Variants in ACOT12 observed in about 807,000 individuals in gnomAD.
ACOT12 encodes the protein acyl-CoA thioesterase 12.
A neutral mutation model predicts 67.7 loss-of-function variants in ACOT12; 51 were observed. The observed-to-expected ratio is 0.75, with a 90% CI of 0.60 to 0.95. The LOEUF is 0.95. Ranked by LOEUF, ACOT12 falls within the 40% of genes least tolerant of loss-of-function variation. The pLI is 0.00. For synonymous variants in ACOT12, 251 were observed against 244.6 expected (o/e 1.03, Z -0.24); for missense variants, 734 against 708.1 (o/e 1.04, Z -0.41).
At chr5:81,335,672 G>T in intron 12 of ACOT12, 96 bp downstream of exon 12, 1 of 1,381,614 alleles carries the variant, frequency 7.2e-7, no homozygotes, top group Non-Finnish European at 1.0e-6. Flanking sequence ...TAAACAATGG[G>T]TCACACATTG....
intron 14 of ACOT12, 43 bp from the exon 15 acceptor site, chr5:81,330,586 T>C: frequency 6.3e-7 from 1 of 1,598,646 alleles, no homozygotes; most frequent in Non-Finnish European, 8.5e-7. Flanking sequence ...TCTTATTGAC[T>C]TGGAGCTTTT....
intron 5 of ACOT12, 109 bp downstream of exon 5, chr5:81,359,794 C>T (rs1272157717): frequency 2.4e-6 from 3 of 1,244,346 alleles, no homozygotes; most frequent in Non-Finnish European, 3.3e-6. Flanking sequence ...TACCTAGTGT[C>T]ACCAGGACTG....
chr5:81,323,467 AG>A, the ACOT12 span, among the ~76,000 whole-genome samples: 78 of 152,384 alleles, frequency 5.1e-4, no homozygotes, highest in African/African-American at 1.8e-3. Flanking sequence ...TGACAGTGGC[AG>A]AAATGCAAGA....
the ACOT12 span, among the ~76,000 whole-genome samples, chr5:81,322,299 AG>A: frequency 6.6e-6 from 1 of 152,172 alleles, no homozygotes; most frequent in Non-Finnish European, 1.5e-5. Flanking sequence ...TTACCTACAA[AG>A]AAAAACAATA....
chr5:81,359,783 A>T, intron 5 of ACOT12, 120 bp downstream of exon 5: 1 of 1,108,862 alleles, frequency 9.0e-7, no homozygotes, highest in East Asian at 2.8e-5. Flanking sequence ...GTTGGAAAGG[A>T]TACCTAGTGT....
chr5:81,377,702 A>T (rs767782446), intron 2 of ACOT12, among the ~76,000 whole-genome samples: 5 of 152,232 alleles, frequency 3.3e-5, no homozygotes, highest in Non-Finnish European at 5.9e-5. Context: ...AATAACAGAC[A>T]AACAGCCAAA....
intron 5 of ACOT12, among the ~76,000 whole-genome samples, chr5:81,349,406 G>C (rs1759485618): frequency 6.6e-6 from 1 of 152,064 alleles, no homozygotes. Flanking sequence ...CTCCAGCCAC[G>C]CTGGTCTTTT....
chr5:81,380,579 A>G lies in ACOT12; in HGVS notation c.197+5178T>C, dbSNP rs1373350859. On this transcript the variant is annotated intron_variant, in intron 2 of 14. Coordinates refer to ENST00000307624, the MANE Select transcript of ACOT12 (RefSeq NM_130767.3). ...ACTGTCTTAGAAAAAAAAAAAAAAA[A>G]AGAAAAGAAATCTATCCCACAAATA... Among the ~76,000 whole-genome samples the G allele has an allele frequency of 1.0e-2, 1,250 of 125,066 alleles. 25 individuals are homozygous for G. Among genetic ancestry groups the G allele is most frequent in the African/African-American group, 0.032 (1,186 of 36,962 alleles). 82.0% of individuals were successfully genotyped at this position (125,066 alleles called of 152,430 possible).
At position 81,344,859 on chromosome 5, in the gene ACOT12, C is replaced by T. The variant is rs559497650; in HGVS notation, c.924+32G>A. 6.0e-5 allele frequency: 97 copies of T among 1,611,868 alleles called. 2 individuals are homozygous for T. The South Asian group carries it at 6.5e-4, about 11-fold the overall frequency. Reference sequence around the variant, plus strand: ...AGGTAGAGCTCTCTATTCACAGGTCCGGCTATTGAACCTCGTGTGATAATA... The same window carrying T: ...AGGTAGAGCTCTCTATTCACAGGTCTGGCTATTGAACCTCGTGTGATAATA... On this transcript the variant is annotated intron_variant, in intron 8 of 14. Transcript: ENST00000307624.
intron 5 of ACOT12, among the ~76,000 whole-genome samples, chr5:81,358,836 C>T (rs924354016): frequency 3.4e-5 from 5 of 148,000 alleles, no homozygotes; most frequent in South Asian, 2.1e-4. Flanking sequence ...GCAACAAGAG[C>T]GAAACTCTGT....
chr5:81,330,643 T>A, intron 14 of ACOT12, 100 bp from the exon 15 acceptor site: 1 of 1,492,842 alleles, frequency 6.7e-7, no homozygotes, highest in Non-Finnish European at 9.0e-7. Context: ...GCTAAGACCC[T>A]AATCTTCTGG....
At chr5:81,343,706 C>T in intron 10 of ACOT12, 112 bp downstream of exon 10, 1 of 992,946 alleles carries the variant, frequency 1.0e-6, no homozygotes, top group Non-Finnish European at 1.5e-6. Context: ...TGATATAATC[C>T]ACCTTTTCAC....
the ACOT12 span, chr5:81,311,395 T>C: frequency 9.5e-6 from 10 of 1,055,242 alleles, no homozygotes; most frequent in Non-Finnish European, 1.4e-5. Flanking sequence ...ACAACCTGTT[T>C]TCCTACTGTA....
Position 81,344,187 on chromosome 5 carries a change from A to T in ACOT12, c.953T>A (p.Ile318Asn). ...KDDFRRYRGA[I>N]ARKRIRLGRK... ...GCCTAGGCGAATTCGCTTGCGTGCA[A>T]TAGCTCCCCGATAGCGTCTGAAATC... The change falls in exon 9 of 15, where the codon ATT becomes AAT. Residue 318 changes from isoleucine (I) to asparagine (N), a missense_variant. Physicochemically the swap from Ile to Asn is moderately radical, Grantham distance 149. Coordinates refer to ENST00000307624, the MANE Select transcript of ACOT12 (RefSeq NM_130767.3). 6.2e-7 allele frequency: 1 copy of T among 1,613,810 alleles called. No individual in the cohort carries two copies. The highest frequency in any genetic ancestry group is 8.5e-7 in the Non-Finnish European group (1 of 1,179,872).
intron 10 of ACOT12, 114 bp downstream of exon 10, chr5:81,343,704 T>C (rs1211140765): frequency 2.0e-6 from 2 of 980,430 alleles, no homozygotes; most frequent in African/African-American, 3.3e-5. Flanking sequence ...GCTGATATAA[T>C]CCACCTTTTC....
At chr5:81,311,238 T>C in the ACOT12 span, 2 of 1,614,122 alleles carry the variant, frequency 1.2e-6, no homozygotes. Context: ...TGTGGCTCTG[T>C]GGAACATTTA....
chr5:81,331,511 TG>T (rs758362665), intron 13 of ACOT12, among the ~76,000 whole-genome samples: 1 of 152,234 alleles, frequency 6.6e-6, no homozygotes. Flanking sequence ...CACTCCAGCC[TG>T]GGCAACACAT....
the ACOT12 span, among the ~76,000 whole-genome samples, chr5:81,323,941 T>TATAC: frequency 1.4e-5 from 2 of 147,768 alleles, no homozygotes; most frequent in Admixed American, 6.8e-5. Flanking sequence ...CATATATGTG[T>TATAC]ATATATATAT....
At chr5:81,354,790 G>A (rs1043093440) in intron 5 of ACOT12, among the ~76,000 whole-genome samples, 1 of 151,534 alleles carries the variant, frequency 6.6e-6, no homozygotes. Context: ...TGTAAACTCC[G>A]CCTCTTGGGT....
Sources: allele counts gnomAD v4.1 joint callset (sites outside exome capture counted in the v4.1 genomes callset), GRCh38; gene constraint gnomAD v4.1.1; transcripts MANE v1.5; gene names NCBI Gene and HGNC (gene_info 2026-07-23, HGNC 2026-07-21).